TRIO: variants seen among roughly 807,000 people sequenced by gnomAD.
The protein encoded by TRIO is triple functional domain protein.
Under a neutral mutation model 351.9 loss-of-function variants are expected in TRIO, and 58 were observed. That is an observed-to-expected ratio of 0.16 (90% confidence interval 0.13 to 0.21). The LOEUF (loss-of-function observed/expected upper bound fraction) is 0.21, where lower values mean the gene tolerates loss of function less well. Ranked by LOEUF, TRIO falls within the 10% of genes least tolerant of loss-of-function variation. The pLI is 1.00. For synonymous variants in TRIO, 1,758 were observed against 1,595.7 expected (o/e 1.10, Z -2.42); for missense variants, 3,201 against 4,027.8 (o/e 0.79, Z 5.56).
intron 1 of TRIO, among the ~76,000 whole-genome samples, chr5:14,209,492 T>C (rs1791750891): frequency 6.6e-6 from 1 of 152,190 alleles, no homozygotes; most frequent in Non-Finnish European, 1.5e-5. Context: ...CTCCTGTAAA[T>C]AGTTTAGTGT....
intron 34 of TRIO, 130 bp from the exon 35 acceptor site, chr5:14,460,889 C>T: frequency 9.1e-7 from 1 of 1,097,616 alleles, no homozygotes; most frequent in Middle Eastern, 2.1e-4. Flanking sequence ...ATCTCACACC[C>T]CGTAGGCAAA....
In TRIO at chr5:14,143,635, C is replaced by A; in HGVS notation, c.-91C>A. The stretch of plus-strand genomic sequence containing the variant: ...CGCCGGGCGCGGGCAGCTGGGTGCT[C>A]GGCGCCGCCAGGCCCGGCGCGGAGC... On this transcript the variant is annotated 5_prime_UTR_variant, in exon 1 of 57. Coordinates refer to ENST00000344204, the MANE Select transcript of TRIO (RefSeq NM_007118.4). The A allele has an allele frequency of 1.8e-6, 1 of 547,246 alleles. No homozygotes were observed. Among genetic ancestry groups the A allele is most frequent in the Non-Finnish European group, 2.3e-6 (1 of 433,022 alleles). The allele number at this position is 547,246 out of a possible 1,614,324, so 33.9% of individuals were successfully genotyped here.
rs1184769365 is a variant in TRIO, at chr5:14,457,386, C to T, written c.5204-3633C>T. ...GCAGCCCTGACCTCCCCCCCCCCCC[C>T]CGCCCCGCCCCCCGGTACTAGGAGT... On this transcript the variant is annotated intron_variant, in intron 34 of 56. Transcript: ENST00000344204. Among the ~76,000 whole-genome samples, 5 of 116,414 alleles carry T rather than the reference C, an allele frequency of 4.3e-5. 1 individual carries two copies. The highest frequency in any genetic ancestry group is 7.6e-5 in the Non-Finnish European group (4 of 52,382). The allele number at this position is 116,414 out of a possible 152,430, so 76.4% of individuals were successfully genotyped here.
chr5:14,485,327 T>G, intron 47 of TRIO, 81 bp downstream of exon 47: 1 of 1,418,440 alleles, frequency 7.1e-7, no homozygotes, highest in Non-Finnish European at 9.4e-7. Context: ...CCCATTCATA[T>G]CCATAGTAAT....
chr5:14,488,220 C>T lies in TRIO; in HGVS notation c.7592C>T (p.Ser2531Leu), dbSNP rs1316188563. The T allele has an allele frequency of 3.1e-6, 5 of 1,590,074 alleles. No individual in the cohort carries two copies. Among genetic ancestry groups the T allele is most frequent in the South Asian group, 1.1e-5 (1 of 89,518 alleles). The part of the protein sequence containing the change: ...KDTDRMSTCS[S>L]ASEQSVQSTQ... ...ACTGACCGCATGAGCACGTGCTCCT[C>T]GGCCAGCGAGCAGTCCGTGCAGTCC... is the stretch of plus-strand genomic sequence containing the variant. The change falls in exon 48 of 57, where the codon TCG becomes TTG. Residue 2531 changes from serine to leucine, a missense_variant. By Grantham distance (145) the Ser-to-Leu change is moderately radical (BLOSUM62 -2). Transcript: ENST00000344204.
At chr5:14,414,170 C>CGT in intron 33 of TRIO, among the ~76,000 whole-genome samples, 1 of 152,344 alleles carries the variant, frequency 6.6e-6, no homozygotes, top group East Asian at 1.9e-4. Context: ...TCCCCGCCCT[C>CGT]GTTCCCTTTT....
chr5:14,206,823 A>G (rs529588691), intron 1 of TRIO, among the ~76,000 whole-genome samples: 1 of 152,326 alleles, frequency 6.6e-6, no homozygotes, highest in Non-Finnish European at 1.5e-5. Flanking sequence ...GTTTTGGTGC[A>G]TGTCCAGTTA....
intron 34 of TRIO, among the ~76,000 whole-genome samples, chr5:14,433,540 A>G (rs1396648613): frequency 6.6e-6 from 1 of 152,234 alleles, no homozygotes; most frequent in African/African-American, 2.4e-5. Flanking sequence ...GAAGAAAACA[A>G]GGGCCAGGGA....
chr5:14,464,453 C>T lies in TRIO; in HGVS notation c.5668-1092C>T, dbSNP rs182179005. 1.5e-3 allele frequency among the ~76,000 whole-genome samples: 224 copies of T among 152,286 alleles called. 1 individual carries two copies. The highest frequency in any genetic ancestry group is 2.7e-3 in the Non-Finnish European group (181 of 68,012). On this transcript the variant is annotated intron_variant, in intron 36 of 56. Coordinates refer to ENST00000344204, the MANE Select transcript of TRIO (RefSeq NM_007118.4). ...GATTTTCCCACACAGTATATAATCT[C>T]GTGACTAATTTTTTGTTTTGTTCTG...
chr5:14,260,247 A>T (rs1259794105), intron 1 of TRIO, among the ~76,000 whole-genome samples: 1 of 152,220 alleles, frequency 6.6e-6, no homozygotes, highest in African/African-American at 2.4e-5. Context: ...ACACTTTTAA[A>T]TGGATTTGTC....
chr5:14,360,844 CATT>C (rs751876473), intron 13 of TRIO, among the ~76,000 whole-genome samples: 1 of 152,232 alleles, frequency 6.6e-6, no homozygotes, highest in Non-Finnish European at 1.5e-5. Context: ...TCATTCTCAT[CATT>C]AGTGAATAAC....
intron 1 of TRIO, among the ~76,000 whole-genome samples, 176 bp from the exon 2 acceptor site, chr5:14,270,649 A>G (rs1042088351): frequency 6.6e-6 from 1 of 152,246 alleles, no homozygotes; most frequent in Non-Finnish European, 1.5e-5. Context: ...ACATTAAAAT[A>G]GAAGACAGTT....
chr5:14,228,879 A>G (rs891662871), intron 1 of TRIO, among the ~76,000 whole-genome samples: 2 of 152,178 alleles, frequency 1.3e-5, no homozygotes, highest in African/African-American at 2.4e-5. Context: ...TCAAAAAAAA[A>G]GAAAAGAAAA....
chr5:14,395,535 CAGTT>C (rs900969864), intron 28 of TRIO, among the ~76,000 whole-genome samples: 1 of 152,174 alleles, frequency 6.6e-6, no homozygotes, highest in African/African-American at 2.4e-5. Context: ...TGCCAGTTGT[CAGTT>C]AGTAGGCTCA....
At chr5:14,367,313 G>A (rs912204366) in intron 16 of TRIO, among the ~76,000 whole-genome samples, 2 of 152,156 alleles carry the variant, frequency 1.3e-5, no homozygotes, top group Admixed American at 6.5e-5. Context: ...GCTCAGAACC[G>A]AGGAGCCCAC....
rs146644309 is a variant in TRIO, at chr5:14,270,869, A to G, written c.202A>G (p.Ile68Val). Reference sequence around the variant, plus strand: ...AATGAAAGCTATGGATGTTTTACCAATTTTGAAGGAAAAAGTTGCATACCT... The same window carrying G: ...AATGAAAGCTATGGATGTTTTACCAGTTTTGAAGGAAAAAGTTGCATACCT... ...DEMKAMDVLP[I>V]LKEKVAYLSG... The change falls in exon 2 of 57, where the codon ATT becomes GTT. Residue 68 changes from isoleucine (I) to valine (V), a missense_variant. This residue lies in a region of TRIO where 109 missense variants were observed against 134.6 expected (regional missense o/e 0.81). Transcript: ENST00000344204. The G allele has an allele frequency of 1.8e-4, 286 of 1,614,054 alleles. 3 individuals carry two copies. The South Asian group carries it at 2.6e-3, about 15-fold the overall frequency.
At chr5:14,327,927 G>A (rs1056373154) in intron 9 of TRIO, among the ~76,000 whole-genome samples, 16 of 152,190 alleles carry the variant, frequency 1.1e-4, no homozygotes, top group African/African-American at 3.6e-4. Flanking sequence ...AAGACTGTGG[G>A]ACAAACAACT....
chr5:14,200,461 T>G (rs537071707), intron 1 of TRIO, among the ~76,000 whole-genome samples: 1 of 152,352 alleles, frequency 6.6e-6, no homozygotes, highest in African/African-American at 2.4e-5. Context: ...AGGCATGCTT[T>G]TTGGAGGCAG....
intron 35 of TRIO, 27 bp downstream of exon 35, chr5:14,461,338 C>T: frequency 1.3e-6 from 2 of 1,502,810 alleles, no homozygotes; most frequent in Non-Finnish European, 8.9e-7. Flanking sequence ...TGGTTGGGGC[C>T]GGCGTGGCGG....
Sources: gnomAD v4.1 joint callset for allele counts (sites outside exome capture counted in the v4.1 genomes callset) on GRCh38, gnomAD v4.1.1 for gene constraint, gnomAD v4.1.1 regional missense constraint, MANE v1.5 for transcripts, NCBI Gene and HGNC (gene_info 2026-07-23, HGNC 2026-07-21) for gene names.